The following FEZ2 variants were observed in gnomAD, a reference collection of about 807,000 sequenced individuals.
FEZ2 encodes fasciculation and elongation protein zeta 2.
In FEZ2, 51 loss-of-function variants were observed where a neutral mutation model predicts 40.4. The ratio of observed to expected loss-of-function variants is 1.26; its 90% CI spans 1.01 to 1.59. FEZ2 has a LOEUF of 1.59. Among genes scored for constraint, FEZ2 ranks in the 40% most tolerant of loss-of-function variants. The pLI is 0.00. For missense variants in FEZ2, 640 were observed against 438.3 expected (o/e 1.46, Z -4.11); for synonymous variants, 242 against 172.0 (o/e 1.41, Z -3.18).
chr2:36,575,370 G>C (rs79702841), intron 5 of FEZ2, among the ~76,000 whole-genome samples: 2,803 of 151,792 alleles, frequency 0.018, 44 homozygotes, highest in East Asian at 0.073. Context: ...TTTTTATTTT[G>C]TAAAGACAAG....
chr2:36,553,637 G>A (rs3770811), intron 7 of FEZ2, among the ~76,000 whole-genome samples: 56,603 of 152,002 alleles, frequency 0.37, 10,767 homozygotes, highest in East Asian at 0.6. Flanking sequence ...GGGGTCATTA[G>A]GCAGGTGCGA....
At chr2:36,562,210 T>C (rs1476623081) in intron 5 of FEZ2, among the ~76,000 whole-genome samples, 1 of 152,240 alleles carries the variant, frequency 6.6e-6, no homozygotes, top group Non-Finnish European at 1.5e-5. Flanking sequence ...TTCATAAATA[T>C]ATGCTCTTTA....
chr2:36,570,932 T>C (rs1448971227), intron 5 of FEZ2, among the ~76,000 whole-genome samples: 1 of 152,170 alleles, frequency 6.6e-6, no homozygotes, highest in Non-Finnish European at 1.5e-5. Flanking sequence ...ATTACAGCTT[T>C]TATGTGAACT....
In FEZ2 at chr2:36,578,637, G is replaced by A. The variant is rs775300229; in HGVS notation, c.863C>T (p.Ser288Phe). ...ACTTCTCTCATTCTTCCCATTCTGAGAGCTGCCATTTTTTAGTTTCTTTTT... is the reference window on the plus strand; with the variant it reads ...ACTTCTCTCATTCTTCCCATTCTGAAAGCTGCCATTTTTTAGTTTCTTTTT... ...KKKKKLKNGSSQNGKNERSHM... is the reference protein window; with the variant it reads ...KKKKKLKNGSFQNGKNERSHM... Residue 288 changes from serine (S) to phenylalanine (F), a missense_variant, in exon 5 of 8, where the codon TCT becomes TTT. Ser to Phe is a radical substitution (Grantham distance 155). Coordinates refer to ENST00000405912, the MANE Select transcript of FEZ2 (RefSeq NM_005102.3). 6.2e-7 allele frequency: 1 copy of A among 1,613,528 alleles called. No individual in the cohort carries two copies. Among genetic ancestry groups the A allele is most frequent in the African/African-American group, 1.3e-5 (1 of 74,924 alleles).
chr2:36,587,073 G>T (rs1024176902), intron 2 of FEZ2, among the ~76,000 whole-genome samples: 17 of 152,332 alleles, frequency 1.1e-4, no homozygotes, highest in Middle Eastern at 3.4e-3. Flanking sequence ...GAGAAATACA[G>T]CACAGAAGAT....
intron 4 of FEZ2, among the ~76,000 whole-genome samples, chr2:36,579,686 T>G (rs1558453089): frequency 6.6e-6 from 1 of 152,142 alleles, no homozygotes; most frequent in Admixed American, 6.5e-5. Context: ...GTGGAACCAT[T>G]AGCCAATTAA....
chr2:36,593,021 T>C (rs1432197453), intron 1 of FEZ2, among the ~76,000 whole-genome samples: 1 of 152,212 alleles, frequency 6.6e-6, no homozygotes, highest in Non-Finnish European at 1.5e-5. Context: ...GCTGGGTTTC[T>C]GTGGACTACT....
chr2:36,595,021 C>G (rs1669173837), intron 1 of FEZ2, among the ~76,000 whole-genome samples: 1 of 152,174 alleles, frequency 6.6e-6, no homozygotes, highest in Non-Finnish European at 1.5e-5. Context: ...GTATTACAAC[C>G]AGTCGTAAAC....
chr2:36,558,177 T>C (rs927411556), intron 6 of FEZ2: 1 of 274,198 alleles, frequency 3.6e-6, no homozygotes, highest in African/African-American at 2.2e-5. Context: ...GAGATTTAGG[T>C]TATGCTTTTT....
At position 36,598,020 on chromosome 2, in the gene FEZ2, A is replaced by G. The variant is rs1013235763; in HGVS notation, c.123T>C (p.Gly41=). Residue 41 remains glycine (G), a synonymous_variant, in exon 1 of 8, where the codon GGT becomes GGC. Coordinates refer to ENST00000405912, the MANE Select transcript of FEZ2 (RefSeq NM_005102.3). ...EPGAEAGAEA[G]GGADGFPAPA... ...GGGCCGGGAAACCGTCGGCGCCCCC[A>G]CCCGCCTCGGCCCCCGCCTCCGCCC... The G allele has an allele frequency of 7.2e-7, 1 of 1,395,772 alleles. No homozygotes were observed. The highest frequency in any genetic ancestry group is 9.5e-7 in the Non-Finnish European group (1 of 1,051,882). 86.5% of individuals were successfully genotyped at this position (1,395,772 alleles called of 1,614,324 possible).
At chr2:36,554,119 A>G in intron 7 of FEZ2, 1 of 438,272 alleles carries the variant, frequency 2.3e-6, no homozygotes, top group Non-Finnish European at 4.7e-6. Context: ...CAACACATGC[A>G]CACAGACAGC....
In FEZ2 at chr2:36,595,934, C is replaced by G. The variant is rs148347669; in HGVS notation, c.266+1943G>C. ...AAGTGAAACAAAAACTCTTAACGAT[C>G]TACGTACAATCCTCTAATTGATTTA... On this transcript the variant is annotated intron_variant, in intron 1 of 7. Coordinates refer to ENST00000405912, the MANE Select transcript of FEZ2 (RefSeq NM_005102.3). 1.1e-3 allele frequency among the ~76,000 whole-genome samples: 173 copies of G among 152,332 alleles called. 1 individual carries two copies. Among genetic ancestry groups the G allele is most frequent in the African/African-American group, 4.0e-3 (165 of 41,570 alleles).
At position 36,552,847 on chromosome 2, in the gene FEZ2, A is replaced by C. The variant is rs1197873294; in HGVS notation, c.*316T>G. 1 of 311,028 alleles carries C rather than the reference A, an allele frequency of 3.2e-6. No individual in the cohort carries two copies. Among genetic ancestry groups the C allele is most frequent in the African/African-American group, 2.2e-5 (1 of 46,046 alleles). The allele number at this position is 311,028 out of a possible 1,614,324, so 19.3% of individuals were successfully genotyped here. A position where few individuals can be genotyped will look rare whatever the true frequency, so the allele number is the denominator to read the frequency against. On this transcript the variant is annotated 3_prime_UTR_variant, in exon 8 of 8. Transcript: ENST00000405912. ...TGCAGTTTAGATAAGAAAGCCATAA[A>C]AACAAATGGGCATACTGTCAGTTAA...
intron 5 of FEZ2, among the ~76,000 whole-genome samples, chr2:36,565,609 G>C (rs995510529): frequency 6.6e-5 from 10 of 152,144 alleles, no homozygotes; most frequent in African/African-American, 2.2e-4. Flanking sequence ...GTGCAACTCA[G>C]CCTTCCCAGA....
chr2:36,555,489 A>G (rs920388041), intron 7 of FEZ2, 194 bp downstream of exon 7: 1 of 390,484 alleles, frequency 2.6e-6, no homozygotes, highest in Non-Finnish European at 4.6e-6. Flanking sequence ...AACCTCCAAT[A>G]AAACTTAAAT....
intron 5 of FEZ2, among the ~76,000 whole-genome samples, chr2:36,571,872 G>A (rs1386847878): frequency 2.0e-5 from 3 of 150,854 alleles, no homozygotes; most frequent in Admixed American, 6.6e-5. Context: ...AAAGTTAGCC[G>A]GGCGGGGTGG....
chr2:36,595,714 G>C (rs186466614), intron 1 of FEZ2, among the ~76,000 whole-genome samples: 3 of 152,152 alleles, frequency 2.0e-5, no homozygotes, highest in African/African-American at 7.2e-5. Context: ...GCAATGATGA[G>C]TATGTTTTTG....
intron 3 of FEZ2, among the ~76,000 whole-genome samples, chr2:36,582,602 C>T (rs1383464850): frequency 6.6e-6 from 1 of 152,178 alleles, no homozygotes; most frequent in Admixed American, 6.5e-5. Context: ...ACATTCTTCC[C>T]ACGCCTAGAA....
At chr2:36,597,654 A>C (rs956024860) in intron 1 of FEZ2, among the ~76,000 whole-genome samples, 2 of 152,064 alleles carry the variant, frequency 1.3e-5, no homozygotes, top group Non-Finnish European at 2.9e-5. Context: ...GGAGGGCGGG[A>C]GGTACCGAGG....
Sources: allele counts gnomAD v4.1 joint callset (sites outside exome capture counted in the v4.1 genomes callset), GRCh38; gene constraint gnomAD v4.1.1; transcripts MANE v1.5; gene names NCBI Gene and HGNC (gene_info 2026-07-23, HGNC 2026-07-21).